MEF2C: variants seen among roughly 807,000 people sequenced by gnomAD.
MEF2C encodes the protein myocyte-specific enhancer factor 2C.
In MEF2C, 6 loss-of-function variants were observed where a neutral mutation model predicts 50.5. The observed-to-expected ratio is 0.12, with a 90% CI of 0.07 to 0.23. The LOEUF (loss-of-function observed/expected upper bound fraction) is 0.23. Ranked by LOEUF, MEF2C falls within the 10% of genes least tolerant of loss-of-function variation. The pLI, the probability that MEF2C is intolerant of heterozygous loss-of-function variation, is 1.00. For missense variants in MEF2C, 276 were observed against 605.0 expected, an observed-to-expected ratio of 0.46 and a Z score of 5.70; for synonymous variants, 183 against 228.0, an observed-to-expected ratio of 0.80 and a Z score of 1.78.
intron 1 of MEF2C, among the ~76,000 whole-genome samples, chr5:88,851,233 C>CAAAAAAAAAA: frequency 9.4e-6 from 1 of 106,824 alleles, no homozygotes; most frequent in African/African-American, 3.7e-5. Flanking sequence ...CTCCATCTCA[C>CAAAAAAAAAA]AAAAAAAAAA....
In MEF2C at chr5:88,728,632, G is replaced by C; in HGVS notation, c.965-4C>G. ...TCTGCACTACTCAGAGAGTACTCTA[G>C]ATTAAAGAATAAAACAACAAGGGAA... is the stretch of plus-strand genomic sequence containing the variant. On this transcript the variant is annotated splice_polypyrimidine_tract_variant and splice_region_variant and intron_variant, in intron 9 of 10. Coordinates refer to ENST00000504921, the MANE Select transcript of MEF2C (RefSeq NM_002397.5). The C allele has an allele frequency of 7.2e-7, 1 of 1,397,416 alleles. No homozygotes were observed. Among genetic ancestry groups the C allele is most frequent in the Non-Finnish European group, 9.4e-7 (1 of 1,065,872 alleles). The allele number at this position is 1,397,416 out of a possible 1,614,324, so 86.6% of individuals were successfully genotyped here.
intron 1 of MEF2C, chr5:88,881,398 G>C (rs1832781884): frequency 6.6e-6 from 1 of 152,012 alleles, no homozygotes; most frequent in African/African-American, 2.4e-5. Flanking sequence ...CAATAATATG[G>C]CTTTTTAACT....
chr5:88,828,316 G>A (rs960159520), intron 1 of MEF2C, among the ~76,000 whole-genome samples: 1 of 151,952 alleles, frequency 6.6e-6, no homozygotes, highest in African/African-American at 2.4e-5. Context: ...TCTGCAATAA[G>A]TACAATGCAG....
At chr5:88,867,933 CTT>C (rs1245128190) in intron 1 of MEF2C, among the ~76,000 whole-genome samples, 3 of 152,274 alleles carry the variant, frequency 2.0e-5, no homozygotes, top group South Asian at 2.1e-4. Context: ...CAGCGAGACT[CTT>C]TGATGGATTT....
rs1038749057 is a variant in MEF2C, at chr5:88,719,041, G to GT, written c.*3562dup. The GT allele has an allele frequency of 2.6e-5, 4 of 152,084 alleles. No individual in the cohort carries two copies. The highest frequency in any genetic ancestry group is 9.7e-5 in the African/African-American group (4 of 41,414). The allele number at this position is 152,084 out of a possible 1,614,324, so 9.4% of individuals were successfully genotyped here. A position where few individuals can be genotyped will look rare whatever the true frequency, so the allele number is the denominator to read the frequency against. ...TGGCTTCTTCTTCTTTAAAAAAAATGTTTTTTAAAGAAAGAACTACAAAGC... is the reference window on the plus strand; with the variant it reads ...TGGCTTCTTCTTCTTTAAAAAAAATGTTTTTTTAAAGAAAGAACTACAAAGC... On this transcript the variant is annotated 3_prime_UTR_variant, in exon 11 of 11. Transcript: ENST00000504921.
intron 1 of MEF2C, among the ~76,000 whole-genome samples, chr5:88,878,637 T>C (rs868137416): frequency 3.3e-5 from 5 of 152,038 alleles, no homozygotes; most frequent in African/African-American, 1.2e-4. Flanking sequence ...CTAATAAATA[T>C]ACTCCATATT....
At chr5:88,864,126 A>T (rs1375003988) in intron 1 of MEF2C, among the ~76,000 whole-genome samples, 2 of 142,776 alleles carry the variant, frequency 1.4e-5, no homozygotes, top group Non-Finnish European at 1.5e-5. Context: ...CACCATGCCC[A>T]GCCATGTTTT....
At position 88,760,409 on chromosome 5, in the gene MEF2C, AAC is replaced by A. The variant is rs918956369; in HGVS notation, c.402+774_402+775del. Among the ~76,000 whole-genome samples, 59 of 152,358 alleles carry A rather than the reference AAC, an allele frequency of 3.9e-4. No homozygotes were observed. In the Middle Eastern group the frequency reaches 0.01, roughly 26 times the overall value. ...AGCTTTAAAATCACCCCAGCACACA[AAC>A]ATGTTGAAATCTTACCATTAGGTTT... On this transcript the variant is annotated intron_variant, in intron 4 of 10. Transcript: ENST00000504921.
In MEF2C at chr5:88,722,673, T is replaced by C; in HGVS notation, c.1353A>G (p.Arg451=). The C allele has an allele frequency of 6.2e-7, 1 of 1,613,720 alleles. No individual in the cohort carries two copies. Among genetic ancestry groups the C allele is most frequent in the Non-Finnish European group, 8.5e-7 (1 of 1,179,836 alleles). ...NEFHSPIGLT[R]PSPDERESPS... is the part of the protein sequence containing the mutation. ...GACTTTCCCTTTCGTCCGGCGAAGG[T>C]CTGGTGAGTCCAATGGGGGAGTGGA... The change falls in exon 11 of 11, where the codon AGA becomes AGG. Residue 451 remains arginine (R), a synonymous_variant. Transcript: ENST00000504921.
At position 88,719,696 on chromosome 5, in the gene MEF2C, G is replaced by A. The variant is rs996450826; in HGVS notation, c.*2908C>T. On this transcript the variant is annotated 3_prime_UTR_variant, in exon 11 of 11. Transcript: ENST00000504921. The stretch of plus-strand genomic sequence containing the variant: ...CAGATAAGGTATAAGGGTAAAGATA[G>A]ACCAAGATTGTTTACAGAAAGTGAC... 1.3e-5 allele frequency: 2 copies of A among 152,188 alleles called. No individual in the cohort carries two copies. The highest frequency in any genetic ancestry group is 2.4e-5 in the African/African-American group (1 of 41,452). The allele number at this position is 152,188 out of a possible 1,614,324, so 9.4% of individuals were successfully genotyped here. A position where few individuals can be genotyped will look rare whatever the true frequency, so the allele number is the denominator to read the frequency against.
chr5:88,744,255 G>T, intron 6 of MEF2C: 1 of 642,248 alleles, frequency 1.6e-6, no homozygotes, highest in Non-Finnish European at 1.9e-6. Context: ...AGATTAGCAT[G>T]TTAAAAGCTT....
chr5:88,801,456 G>A (rs973534297), intron 3 of MEF2C, among the ~76,000 whole-genome samples: 3 of 151,636 alleles, frequency 2.0e-5, no homozygotes, highest in African/African-American at 7.3e-5. Context: ...GTGCTGCAGA[G>A]GTTTTCAAAT....
chr5:88,735,187 C>T (rs1472979565), intron 6 of MEF2C: 3 of 985,220 alleles, frequency 3.0e-6, no homozygotes, highest in Admixed American at 6.2e-5. Flanking sequence ...GCTGGGAAAC[C>T]GCAGCCTCCT....
In MEF2C at chr5:88,896,753, T is replaced by A. The variant is rs148857447; in HGVS notation, c.-240+7163A>T. Reference sequence around the variant, plus strand: ...TAAGAAACATTCTACAACTTTCTTATTCCTTTTGACCCCTTTAGCAAAGGC... The same window carrying A: ...TAAGAAACATTCTACAACTTTCTTAATCCTTTTGACCCCTTTAGCAAAGGC... On this transcript the variant is annotated intron_variant, in intron 1 of 11. Transcript: ENST00000340208. 3.1e-4 allele frequency among the ~76,000 whole-genome samples: 47 copies of A among 152,338 alleles called. No homozygotes were observed. In the East Asian group the frequency reaches 7.7e-3, roughly 25 times the overall value.
chr5:88,753,897 C>T (rs1268145602), intron 4 of MEF2C, among the ~76,000 whole-genome samples: 2 of 152,182 alleles, frequency 1.3e-5, no homozygotes, highest in African/African-American at 2.4e-5. Context: ...AAAAAATCAG[C>T]ATATGCTGTA....
chr5:88,897,806 C>G lies in MEF2C; in HGVS notation c.-240+6110G>C, dbSNP rs1336783170. Among the ~76,000 whole-genome samples, 4 of 152,156 alleles carry G rather than the reference C, an allele frequency of 2.6e-5. No homozygotes were observed. In the South Asian group the frequency reaches 8.3e-4, roughly 32 times the overall value. On this transcript the variant is annotated intron_variant, in intron 1 of 11. Transcript: ENST00000340208. ...CTTGGGATCACTAAATGTTAGTTTT[C>G]CTGTTACTGTAGAGCAGGAGAACTG...
At chr5:88,812,964 A>G (rs549502647) in intron 2 of MEF2C, among the ~76,000 whole-genome samples, 6 of 152,316 alleles carry the variant, frequency 3.9e-5, no homozygotes, top group African/African-American at 1.4e-4. Flanking sequence ...AGAAATTCTG[A>G]TAAGTGCAAG....
chr5:88,836,923 T>C (rs558528571), intron 1 of MEF2C, among the ~76,000 whole-genome samples: 4 of 140,962 alleles, frequency 2.8e-5, no homozygotes, highest in South Asian at 4.4e-4. Context: ...TCCTTAGAGA[T>C]CCCAAAGTGC....
chr5:88,816,336 G>C (rs551443225), intron 2 of MEF2C, among the ~76,000 whole-genome samples: 1 of 152,022 alleles, frequency 6.6e-6, no homozygotes, highest in South Asian at 2.1e-4. Context: ...GTGGCACACT[G>C]TTGCTGTGAT....
Sources: allele counts gnomAD v4.1 joint callset (sites outside exome capture counted in the v4.1 genomes callset), GRCh38; gene constraint gnomAD v4.1.1; transcripts MANE v1.5; gene names NCBI Gene and HGNC (gene_info 2026-07-23, HGNC 2026-07-21).